The following NELL1 variants were observed in gnomAD, a reference collection of about 807,000 sequenced individuals.
NELL1 encodes the protein neural EGFL like 1, also known as protein kinase C-binding protein NELL1.
In NELL1, 76 loss-of-function variants were observed where a neutral mutation model predicts 107.4. The observed-to-expected ratio is 0.71, with a 90% confidence interval of 0.59 to 0.86. The LOEUF (loss-of-function observed/expected upper bound fraction) is 0.86. NELL1 is among the 40% of genes least tolerant of loss of function. The pLI is 0.00. For synonymous variants in NELL1, 353 were observed against 341.2 expected (o/e 1.03, Z -0.38); for missense variants, 1,024 against 1,005.5 (o/e 1.02, Z -0.25).
intron 14 of NELL1, among the ~76,000 whole-genome samples, chr11:21,315,596 G>A (rs1405168209): frequency 1.3e-5 from 2 of 152,120 alleles, no homozygotes; most frequent in Admixed American, 1.3e-4. Flanking sequence ...GCTCAGTTAT[G>A]TTTTTTTCAA....
chr11:21,394,904 G>A (rs1316290946), intron 15 of NELL1, among the ~76,000 whole-genome samples: 1 of 151,432 alleles, frequency 6.6e-6, no homozygotes, highest in Non-Finnish European at 1.5e-5. Context: ...CTACCCAGAA[G>A]GAGCCAGAAT....
At chr11:20,746,510 A>G (rs1046337146) in intron 2 of NELL1, among the ~76,000 whole-genome samples, 1 of 152,072 alleles carries the variant, frequency 6.6e-6, no homozygotes, top group Non-Finnish European at 1.5e-5. Context: ...TGTGGCATAC[A>G]GAGCCACTTA....
intron 12 of NELL1, among the ~76,000 whole-genome samples, chr11:21,109,013 T>C (rs1362603435): frequency 1.3e-5 from 2 of 152,088 alleles, no homozygotes; most frequent in Non-Finnish European, 2.9e-5. Context: ...GTGAGAACAA[T>C]GACAACTTTG....
chr11:21,011,473 A>G (rs1852445192), intron 12 of NELL1, among the ~76,000 whole-genome samples: 1 of 152,154 alleles, frequency 6.6e-6, no homozygotes, highest in South Asian at 2.1e-4. Context: ...TGAGTTTCCT[A>G]TGTTGGACCA....
chr11:21,343,399 C>A (rs1317563417), intron 14 of NELL1, among the ~76,000 whole-genome samples: 1 of 152,140 alleles, frequency 6.6e-6, no homozygotes, highest in Non-Finnish European at 1.5e-5. Flanking sequence ...TTCACCTAGC[C>A]TACTCTGCTC....
At chr11:20,806,197 A>G (rs1368838879) in intron 3 of NELL1, among the ~76,000 whole-genome samples, 1 of 150,734 alleles carries the variant, frequency 6.6e-6, no homozygotes, top group African/African-American at 2.5e-5. Flanking sequence ...GTGCTTATGA[A>G]GTCCCTCAGT....
intron 15 of NELL1, among the ~76,000 whole-genome samples, chr11:21,414,770 G>A (rs1039090000): frequency 1.3e-5 from 2 of 152,068 alleles, no homozygotes; most frequent in Non-Finnish European, 2.9e-5. Context: ...ATCTCCTAAT[G>A]TCAGTTGCTT....
chr11:20,959,164 A>T (rs1381790480), intron 11 of NELL1, among the ~76,000 whole-genome samples: 1 of 152,224 alleles, frequency 6.6e-6, no homozygotes, highest in Non-Finnish European at 1.5e-5. Context: ...TACTAAAAAT[A>T]AAATGGATGT....
intron 5 of NELL1, among the ~76,000 whole-genome samples, chr11:20,905,371 C>A (rs1849972967): frequency 6.6e-6 from 1 of 152,056 alleles, no homozygotes; most frequent in Admixed American, 6.6e-5. Flanking sequence ...CAAATAAAGT[C>A]ACAGGCAAAC....
Position 21,317,164 on chromosome 11 carries a change from T to C in NELL1, c.1550-53689T>C, listed in dbSNP as rs180771833. 1.5e-3 allele frequency among the ~76,000 whole-genome samples: 234 copies of C among 152,154 alleles called. 2 individuals carry two copies. Among genetic ancestry groups the C allele is most frequent in the African/African-American group, 5.4e-3 (224 of 41,538 alleles). Reference sequence around the variant, plus strand: ...AGACTAGAGCAAGAATTTATGCTCTTAGCCACTACATTACTATTTCCAAAA... The same window carrying C: ...AGACTAGAGCAAGAATTTATGCTCTCAGCCACTACATTACTATTTCCAAAA... On this transcript the variant is annotated intron_variant, in intron 14 of 19. Coordinates refer to ENST00000357134, the MANE Select transcript of NELL1 (RefSeq NM_006157.5).
At chr11:21,417,157 C>T (rs907973804) in intron 15 of NELL1, among the ~76,000 whole-genome samples, 1 of 151,974 alleles carries the variant, frequency 6.6e-6, no homozygotes. Flanking sequence ...CTGTGTTATC[C>T]GAGTGTTTGC....
chr11:21,281,978 A>G (rs1849005768), intron 14 of NELL1, among the ~76,000 whole-genome samples: 1 of 152,218 alleles, frequency 6.6e-6, no homozygotes, highest in Non-Finnish European at 1.5e-5. Flanking sequence ...ATAGACAACA[A>G]AAGCAAAAGT....
rs148158872 is a variant in NELL1 at position 21,398,274 on chromosome 11, G to A, written c.1645+27326G>A. On this transcript the variant is annotated intron_variant, in intron 15 of 19. Transcript: ENST00000357134. ...TAGTTCCAAGCATCATTCTCTGAAC[G>A]TTGGTACAAAGTGTGTCCCCTGAGG... Among the ~76,000 whole-genome samples the A allele has an allele frequency of 4.2e-3, 641 of 151,690 alleles. 9 individuals carry two copies. Among genetic ancestry groups the A allele is most frequent in the African/African-American group, 0.015 (621 of 41,458 alleles).
chr11:21,405,568 C>G (rs1212931595), intron 15 of NELL1, among the ~76,000 whole-genome samples: 1 of 151,948 alleles, frequency 6.6e-6, no homozygotes, highest in East Asian at 1.9e-4. Flanking sequence ...CAGTTCTGTT[C>G]TTGTACTATT....
At chr11:21,113,826 C>A (rs1275992521) in intron 13 of NELL1, 112 bp downstream of exon 13, 2 of 1,123,344 alleles carry the variant, frequency 1.8e-6, no homozygotes, top group Non-Finnish European at 1.2e-6. Context: ...CTAAATAGTT[C>A]TTCTCTTTAT....
intron 17 of NELL1, among the ~76,000 whole-genome samples, chr11:21,562,458 T>C (rs1479838146): frequency 6.6e-6 from 1 of 152,070 alleles, no homozygotes; most frequent in Non-Finnish European, 1.5e-5. Flanking sequence ...TGCCCATTTA[T>C]AGCACAGTTT....
intron 10 of NELL1, among the ~76,000 whole-genome samples, chr11:20,940,183 C>A (rs1850819253): frequency 6.6e-6 from 1 of 151,988 alleles, no homozygotes; most frequent in African/African-American, 2.4e-5. Context: ...CTTCCTCCCT[C>A]CCTCCGTCCC....
At chr11:20,909,957 A>G (rs528036575) in intron 5 of NELL1, among the ~76,000 whole-genome samples, 3 of 152,272 alleles carry the variant, frequency 2.0e-5, no homozygotes, top group South Asian at 2.1e-4. Context: ...TTGCTGCACA[A>G]CAAACCCCCA....
intron 13 of NELL1, among the ~76,000 whole-genome samples, chr11:21,126,462 A>C (rs980060326): frequency 1.3e-5 from 2 of 152,208 alleles, no homozygotes; most frequent in Non-Finnish European, 1.5e-5. Context: ...AAGTGAACCC[A>C]TATTTAACCC....
Sources: allele counts gnomAD v4.1 joint callset (sites outside exome capture counted in the v4.1 genomes callset), GRCh38; gene constraint gnomAD v4.1.1; transcripts MANE v1.5; gene names NCBI Gene and HGNC (gene_info 2026-07-23, HGNC 2026-07-21).